The following OR9Q1 variants were observed in gnomAD, a reference collection of about 807,000 sequenced individuals.
OR9Q1 encodes olfactory receptor 9Q1.
For missense variants in OR9Q1, 374 were observed against 378.8 expected, an observed-to-expected ratio of 0.99 and a Z score of 0.11; for synonymous variants, 153 against 148.6, an observed-to-expected ratio of 1.03 and a Z score of -0.22.
intron 2 of OR9Q1, among the ~76,000 whole-genome samples, chr11:58,077,093 C>A (rs1853544748): frequency 6.6e-6 from 1 of 152,116 alleles, no homozygotes; most frequent in African/African-American, 2.4e-5. Flanking sequence ...GACAAGATGA[C>A]TTTAAAAGTC....
intron 2 of OR9Q1, chr11:58,073,749 A>G (rs1358919697): frequency 6.6e-6 from 1 of 152,322 alleles, no homozygotes; most frequent in East Asian, 1.9e-4. Context: ...CCTGTCATCT[A>G]GATTTTAAGC....
intron 2 of OR9Q1, among the ~76,000 whole-genome samples, chr11:58,123,427 G>A (rs955150198): frequency 6.6e-6 from 1 of 152,126 alleles, no homozygotes. Flanking sequence ...TCTCTGATTA[G>A]AGACACAATT....
chr11:58,030,958 A>G, intron 1 of OR9Q1: 1 of 1,610,656 alleles, frequency 6.2e-7, no homozygotes, highest in Non-Finnish European at 8.5e-7. Context: ...CACATATGCA[A>G]CCATATACCA....
chr11:58,169,158 G>C (rs544783321), intron 2 of OR9Q1, among the ~76,000 whole-genome samples: 1 of 152,080 alleles, frequency 6.6e-6, no homozygotes, highest in East Asian at 1.9e-4. Context: ...CAGTAGAGTG[G>C]ATGCCAAATT....
chr11:58,103,592 A>AT (rs765171103), intron 2 of OR9Q1, among the ~76,000 whole-genome samples: 3 of 152,064 alleles, frequency 2.0e-5, no homozygotes, highest in Non-Finnish European at 4.4e-5. Context: ...CATAAATTTC[A>AT]TTTTTTGAGA....
intron 2 of OR9Q1, among the ~76,000 whole-genome samples, chr11:58,127,037 C>T (rs368659914): frequency 3.9e-4 from 59 of 152,342 alleles, no homozygotes; most frequent in East Asian, 1.4e-3. Context: ...TGCAACTCCA[C>T]TTCCCGGGTT....
At chr11:58,179,174 C>T (rs576189141) in intron 2 of OR9Q1, among the ~76,000 whole-genome samples, 1 of 151,548 alleles carries the variant, frequency 6.6e-6, no homozygotes, top group East Asian at 2.0e-4. Context: ...AGGTGCTCAC[C>T]ACCATGCATG....
At chr11:58,060,350 CG>C (rs1476866094) in intron 2 of OR9Q1, among the ~76,000 whole-genome samples, 6 of 152,010 alleles carry the variant, frequency 3.9e-5, no homozygotes, top group Non-Finnish European at 8.8e-5. Context: ...AAAATCAAGC[CG>C]GTTATTTGCT....
intron 2 of OR9Q1, among the ~76,000 whole-genome samples, chr11:58,099,701 A>G (rs1407685975): frequency 2.0e-5 from 3 of 152,140 alleles, no homozygotes; most frequent in Non-Finnish European, 4.4e-5. Context: ...ATCCATTTAC[A>G]TCTAATGAAA....
intron 2 of OR9Q1, among the ~76,000 whole-genome samples, chr11:58,114,275 T>G (rs913184011): frequency 1.3e-5 from 2 of 152,186 alleles, no homozygotes; most frequent in African/African-American, 4.8e-5. Context: ...CTGATCCAAT[T>G]GTATCCTTGG....
chr11:58,114,683 G>C (rs964304952), intron 2 of OR9Q1, among the ~76,000 whole-genome samples: 1 of 152,220 alleles, frequency 6.6e-6, no homozygotes, highest in Non-Finnish European at 1.5e-5. Flanking sequence ...TTCCTTCAGA[G>C]TTAGAAAGAA....
At chr11:58,053,750 C>T (rs1446912381) in intron 1 of OR9Q1, among the ~76,000 whole-genome samples, 3 of 145,708 alleles carry the variant, frequency 2.1e-5, no homozygotes, top group African/African-American at 7.4e-5. Context: ...CTCTTCATGG[C>T]TGAGACACTC....
rs1375855562 is a variant in OR9Q1, at chr11:58,050,371, G to A, written c.-92-5499G>A. Among the ~76,000 whole-genome samples, 47 of 142,856 alleles carry A rather than the reference G, an allele frequency of 3.3e-4. 1 individual carries two copies. The East Asian group carries it at 9.2e-3, about 28-fold the overall frequency. The allele number at this position is 142,856 out of a possible 152,430, so 93.7% of individuals were successfully genotyped here. A position where few individuals can be genotyped will look rare whatever the true frequency, so the allele number is the denominator to read the frequency against. Reference sequence around the variant, plus strand: ...GAAAGGATTCCCTATTTAATAAATGGTGCTGGGAAAACTGGCTAGCGATAT... The same window carrying A: ...GAAAGGATTCCCTATTTAATAAATGATGCTGGGAAAACTGGCTAGCGATAT... On this transcript the variant is annotated intron_variant, in intron 1 of 2. Transcript: ENST00000335397.
At chr11:58,080,435 A>G (rs1853577132) in intron 2 of OR9Q1, among the ~76,000 whole-genome samples, 1 of 152,094 alleles carries the variant, frequency 6.6e-6, no homozygotes, top group African/African-American at 2.4e-5. Context: ...TATTGTGCAT[A>G]GTGCTGTAAT....
intron 2 of OR9Q1, chr11:58,118,539 T>C: frequency 6.2e-7 from 1 of 1,612,796 alleles, no homozygotes; most frequent in Non-Finnish European, 8.5e-7. Flanking sequence ...TAGCGACCTT[T>C]CTGAAGGCGT....
At chr11:58,172,790 T>C (rs1425667790) in intron 2 of OR9Q1, among the ~76,000 whole-genome samples, 1 of 152,182 alleles carries the variant, frequency 6.6e-6, no homozygotes, top group Non-Finnish European at 1.5e-5. Context: ...GTATCCATCA[T>C]CTCAGCCATT....
intron 2 of OR9Q1, chr11:58,119,100 C>T: frequency 6.2e-7 from 1 of 1,613,930 alleles, no homozygotes; most frequent in South Asian, 1.1e-5. Flanking sequence ...CCATCACTGC[C>T]AGCAGAAAGC....
chr11:58,052,938 G>A (rs1477724783), intron 1 of OR9Q1, among the ~76,000 whole-genome samples: 1 of 151,748 alleles, frequency 6.6e-6, no homozygotes, highest in Non-Finnish European at 1.5e-5. Context: ...TCATTAAAAA[G>A]TCAGGAAACA....
chr11:58,104,361 T>G (rs1306898354), intron 2 of OR9Q1, among the ~76,000 whole-genome samples: 1 of 151,846 alleles, frequency 6.6e-6, no homozygotes, highest in Non-Finnish European at 1.5e-5. Flanking sequence ...TTTTTTTTTT[T>G]TTAATGTAAA....
Sources: allele counts gnomAD v4.1 joint callset (sites outside exome capture counted in the v4.1 genomes callset), GRCh38; gene constraint gnomAD v4.1.1; transcripts MANE v1.5; gene names NCBI Gene and HGNC (gene_info 2026-07-23, HGNC 2026-07-21).